The following MALSU1 variants were observed in gnomAD, a reference collection of about 807,000 sequenced individuals.
MALSU1 encodes the protein mitochondrial assembly of ribosomal large subunit 1.
A neutral mutation model predicts 22.1 loss-of-function variants in MALSU1; 22 were observed. The observed-to-expected ratio is 1.00, with a 90% CI of 0.71 to 1.42. The LOEUF is 1.42. Among genes scored for constraint, MALSU1 ranks in the 40% most tolerant of loss-of-function variants. The pLI is 0.00. For missense variants in MALSU1, 379 were observed against 308.3 expected, an observed-to-expected ratio of 1.23 and a Z score of -1.72; for synonymous variants, 153 against 118.5, an observed-to-expected ratio of 1.29 and a Z score of -1.89.
chr7:23,303,221 C>T (rs1426693157), intron 2 of MALSU1, among the ~76,000 whole-genome samples: 1 of 152,218 alleles, frequency 6.6e-6, no homozygotes, highest in Admixed American at 6.5e-5. Context: ...CCGTAGGCAG[C>T]TACCATTCTA....
At chr7:23,300,050 A>G (rs1452699167) in intron 1 of MALSU1, among the ~76,000 whole-genome samples, 1 of 152,096 alleles carries the variant, frequency 6.6e-6, no homozygotes. Flanking sequence ...GAAACTTAAG[A>G]ATGGTAAACA....
intron 2 of MALSU1, among the ~76,000 whole-genome samples, chr7:23,307,204 TTTCATTTCA>T (rs1324082634): frequency 6.6e-6 from 1 of 152,224 alleles, no homozygotes; most frequent in East Asian, 1.9e-4. Context: ...GTGTCACTTC[TTTCATTTCA>T]GATTTTAGTT....
At chr7:23,305,912 A>G (rs1256770127) in intron 2 of MALSU1, among the ~76,000 whole-genome samples, 3 of 152,212 alleles carry the variant, frequency 2.0e-5, no homozygotes, top group Non-Finnish European at 1.5e-5. Flanking sequence ...TTATTCTGCT[A>G]GGCTGCTCAC....
intron 2 of MALSU1, among the ~76,000 whole-genome samples, chr7:23,303,231 A>T (rs1363808628): frequency 6.6e-6 from 1 of 152,186 alleles, no homozygotes; most frequent in Non-Finnish European, 1.5e-5. Flanking sequence ...CTACCATTCT[A>T]CTGCCTGTCT....
intron 2 of MALSU1, among the ~76,000 whole-genome samples, chr7:23,303,377 C>T (rs925687539): frequency 2.0e-5 from 3 of 152,200 alleles, no homozygotes; most frequent in African/African-American, 4.8e-5. Flanking sequence ...TTTCTTAAGG[C>T]TGAATAATAC....
chr7:23,309,427 C>A lies in MALSU1; in HGVS notation c.589C>A (p.Arg197Ser), dbSNP rs766937705. The A allele has an allele frequency of 5.6e-6, 9 of 1,613,448 alleles. No individual in the cohort carries two copies. The highest frequency in any genetic ancestry group is 6.8e-6 in the Non-Finnish European group (8 of 1,179,786). ...TGAATTAGAGAAATTATGGACCCTACGTTCTTATGATGACCAGTTAGCTCA... is the reference window on the plus strand; with the variant it reads ...TGAATTAGAGAAATTATGGACCCTAAGTTCTTATGATGACCAGTTAGCTCA... ...IYELEKLWTL[R>S]SYDDQLAQIA... The change falls in exon 4 of 4, where the codon CGT becomes AGT. Residue 197 changes from arginine (R) to serine (S), a missense_variant. By Grantham distance (110) the Arg-to-Ser change is moderately radical. Coordinates refer to ENST00000466681, the MANE Select transcript of MALSU1 (RefSeq NM_138446.2).
At chr7:23,304,922 GTATT>G (rs1783705032) in intron 2 of MALSU1, among the ~76,000 whole-genome samples, 1 of 152,120 alleles carries the variant, frequency 6.6e-6, no homozygotes, top group Non-Finnish European at 1.5e-5. Flanking sequence ...ATGCACGAAA[GTATT>G]TAATTTTGGT....
At position 23,310,124 on chromosome 7, in the gene MALSU1, C is replaced by CAGA. The variant is rs1165352976; in HGVS notation, c.*583_*585dup. 6.6e-6 allele frequency: 1 copy of CAGA among 152,038 alleles called. No homozygotes were observed. The highest frequency in any genetic ancestry group is 1.5e-5 in the Non-Finnish European group (1 of 68,000). The allele number at this position is 152,038 out of a possible 1,614,324, so 9.4% of individuals were successfully genotyped here. A position where few individuals can be genotyped will look rare whatever the true frequency, so the allele number is the denominator to read the frequency against. ...AGTACCATGGCTGGACATGGTATAA[C>CAGA]AGAAATCTGCGTAGAGTTTGAAAAA... On this transcript the variant is annotated 3_prime_UTR_variant, in exon 4 of 4. Coordinates refer to ENST00000466681, the MANE Select transcript of MALSU1 (RefSeq NM_138446.2).
rs1437158403 is a variant in MALSU1, at chr7:23,307,858, C to CT, written c.436-5dup. 3.7e-6 allele frequency: 6 copies of CT among 1,607,376 alleles called. No individual in the cohort carries two copies. The highest frequency in any genetic ancestry group is 5.1e-6 in the Non-Finnish European group (6 of 1,174,902). Reference sequence around the variant, plus strand: ...CCTCTCCCTTTAATAAACCACCTGGCTTTTTGCAGTACAAACACCTGAAAT... The same window carrying CT: ...CCTCTCCCTTTAATAAACCACCTGGCTTTTTTGCAGTACAAACACCTGAAAT... On this transcript the variant is annotated splice_polypyrimidine_tract_variant and intron_variant, in intron 2 of 3. Transcript: ENST00000466681.
intron 3 of MALSU1, among the ~76,000 whole-genome samples, chr7:23,308,456 A>G (rs1253797448): frequency 6.6e-6 from 1 of 152,236 alleles, no homozygotes; most frequent in Non-Finnish European, 1.5e-5. Flanking sequence ...ACAAAGGGGA[A>G]ACATAACTGT....
At chr7:23,305,494 G>A (rs1783711696) in intron 2 of MALSU1, among the ~76,000 whole-genome samples, 1 of 151,350 alleles carries the variant, frequency 6.6e-6, no homozygotes, top group African/African-American at 2.4e-5. Flanking sequence ...TCCTGCCTCA[G>A]CCTCCCAAGT....
chr7:23,305,516 C>T (rs745427402), intron 2 of MALSU1, among the ~76,000 whole-genome samples: 3 of 151,702 alleles, frequency 2.0e-5, no homozygotes, highest in Admixed American at 6.6e-5. Context: ...GCTGAGGTTA[C>T]AGGTGCCCGC....
chr7:23,304,524 G>T (rs1783699559), intron 2 of MALSU1, among the ~76,000 whole-genome samples: 1 of 152,176 alleles, frequency 6.6e-6, no homozygotes, highest in South Asian at 2.1e-4. Context: ...TAAAGAGACA[G>T]TGTCTCACTT....
chr7:23,300,690 C>T, intron 1 of MALSU1, 149 bp from the exon 2 acceptor site: 1 of 645,720 alleles, frequency 1.5e-6, no homozygotes, highest in South Asian at 1.9e-5. Flanking sequence ...CCCAGGTTCA[C>T]CTTCCAGGAG....
rs1414056531 is a variant in MALSU1 at position 23,310,605 on chromosome 7, AATC to A, written c.*1065_*1067del. 4 of 152,238 alleles carry A rather than the reference AATC, an allele frequency of 2.6e-5. No individual in the cohort carries two copies. Among genetic ancestry groups the A allele is most frequent in the Non-Finnish European group, 2.9e-5 (2 of 68,046 alleles). The allele number at this position is 152,238 out of a possible 1,614,324, so 9.4% of individuals were successfully genotyped here. A position where few individuals can be genotyped will look rare whatever the true frequency, so the allele number is the denominator to read the frequency against. ...ATTTTAATTCATTGTATGAAAAAAAAATCATGAATGCTAGGAGAATCCAGTGAC... is the reference window on the plus strand; with the variant it reads ...ATTTTAATTCATTGTATGAAAAAAAAATGAATGCTAGGAGAATCCAGTGAC... On this transcript the variant is annotated 3_prime_UTR_variant, in exon 4 of 4. Transcript: ENST00000466681.
intron 2 of MALSU1, among the ~76,000 whole-genome samples, chr7:23,305,788 A>T (rs1783714931): frequency 6.6e-6 from 1 of 152,182 alleles, no homozygotes; most frequent in African/African-American, 2.4e-5. Flanking sequence ...TCTTTACAAT[A>T]TTGTCTTCCC....
rs1214972338 is a variant in MALSU1 at position 23,310,617 on chromosome 7, TAGG to T, written c.*1077_*1079del. 3.9e-5 allele frequency: 6 copies of T among 152,350 alleles called. No homozygotes were observed. The highest frequency in any genetic ancestry group is 8.8e-5 in the Non-Finnish European group (6 of 68,034). The allele number at this position is 152,350 out of a possible 1,614,324, so 9.4% of individuals were successfully genotyped here. A position where few individuals can be genotyped will look rare whatever the true frequency, so the allele number is the denominator to read the frequency against. On this transcript the variant is annotated 3_prime_UTR_variant, in exon 4 of 4. Coordinates refer to ENST00000466681, the MANE Select transcript of MALSU1 (RefSeq NM_138446.2). The stretch of plus-strand genomic sequence containing the variant: ...TGTATGAAAAAAAAATCATGAATGC[TAGG>T]AGAATCCAGTGACAAAAAGGGCACT...
In MALSU1 at chr7:23,310,926, C is replaced by G. The variant is rs1047696786; in HGVS notation, c.*1383C>G. The G allele has an allele frequency of 6.6e-6, 1 of 152,086 alleles. No individual in the cohort carries two copies. Among genetic ancestry groups the G allele is most frequent in the African/African-American group, 2.4e-5 (1 of 41,406 alleles). The allele number at this position is 152,086 out of a possible 1,614,324, so 9.4% of individuals were successfully genotyped here. A position where few individuals can be genotyped will look rare whatever the true frequency, so the allele number is the denominator to read the frequency against. On this transcript the variant is annotated 3_prime_UTR_variant, in exon 4 of 4. Coordinates refer to ENST00000466681, the MANE Select transcript of MALSU1 (RefSeq NM_138446.2). Reference sequence around the variant, plus strand: ...ACCACCCACACCCAACACAATTGTACGTACTGGGCTTTGCTGTCAAGGAGT... The same window carrying G: ...ACCACCCACACCCAACACAATTGTAGGTACTGGGCTTTGCTGTCAAGGAGT...
Position 23,309,396 on chromosome 7 carries a change from A to G in MALSU1, c.558A>G (p.Glu186=). Residue 186 remains glutamate (E), a synonymous_variant, in exon 4 of 4, where the codon GAA becomes GAG. Coordinates refer to ENST00000466681, the MANE Select transcript of MALSU1 (RefSeq NM_138446.2). ...VIHLMLPETR[E]IYELEKLWTL... is the part of the protein sequence containing the mutation. ...ATTTGATGCTTCCAGAAACCAGAGA[A>G]ATCTATGAATTAGAGAAATTATGGA... 1 of 1,613,154 alleles carries G rather than the reference A, an allele frequency of 6.2e-7. No individual in the cohort carries two copies. The highest frequency in any genetic ancestry group is 1.7e-5 in the Admixed American group (1 of 59,884).
Sources: allele counts gnomAD v4.1 joint callset (sites outside exome capture counted in the v4.1 genomes callset), GRCh38; gene constraint gnomAD v4.1.1; transcripts MANE v1.5; gene names NCBI Gene and HGNC (gene_info 2026-07-23, HGNC 2026-07-21).